The following ZCWPW2 variants were observed in gnomAD, a reference collection of about 807,000 sequenced individuals.
ZCWPW2 encodes zinc finger CW-type PWWP domain protein 2.
In ZCWPW2, 45 loss-of-function variants were observed where a neutral mutation model predicts 46.6. That is an observed-to-expected ratio of 0.96 (90% CI 0.76 to 1.24). The LOEUF is 1.24. Ranked by LOEUF, ZCWPW2 falls within the 50% of genes most tolerant of loss-of-function variation. ZCWPW2 has a pLI of 0.00. For missense variants in ZCWPW2, 429 were observed against 403.9 expected (o/e 1.06, Z -0.53); for synonymous variants, 152 against 137.1 (o/e 1.11, Z -0.76).
chr3:28,429,880 T>C (rs554518947), intron 3 of ZCWPW2, among the ~76,000 whole-genome samples: 1 of 152,236 alleles, frequency 6.6e-6, no homozygotes, highest in South Asian at 2.1e-4. Flanking sequence ...AAATAAAGAA[T>C]TGAAGTTTCA....
chr3:28,522,931 G>A (rs1025858004), intron 9 of ZCWPW2, among the ~76,000 whole-genome samples: 2 of 152,124 alleles, frequency 1.3e-5, no homozygotes, highest in Non-Finnish European at 2.9e-5. Context: ...GTTTTTCAGT[G>A]TTAGCGGTTT....
chr3:28,411,851 T>C (rs1696413207), intron 2 of ZCWPW2, among the ~76,000 whole-genome samples: 1 of 152,144 alleles, frequency 6.6e-6, no homozygotes, highest in African/African-American at 2.4e-5. Flanking sequence ...TTTTAGACTT[T>C]TTCACTCTTT....
intron 1 of ZCWPW2, among the ~76,000 whole-genome samples, chr3:28,361,050 C>A (rs1429117790): frequency 2.0e-5 from 3 of 152,068 alleles, no homozygotes; most frequent in African/African-American, 7.2e-5. Context: ...GCTTGGGTCC[C>A]ATCCTCAAGA....
chr3:28,385,817 T>A (rs542837674), intron 1 of ZCWPW2, among the ~76,000 whole-genome samples: 17 of 152,324 alleles, frequency 1.1e-4, no homozygotes, highest in African/African-American at 4.1e-4. Flanking sequence ...CTTAATATTC[T>A]AACAGATTTG....
chr3:28,414,187 T>C (rs1204520631), intron 3 of ZCWPW2, among the ~76,000 whole-genome samples: 1 of 151,934 alleles, frequency 6.6e-6, no homozygotes. Context: ...CTTGAACTGT[T>C]TTTCTCTTTT....
chr3:28,401,011 C>T (rs1695904438), intron 2 of ZCWPW2, among the ~76,000 whole-genome samples: 3 of 152,036 alleles, frequency 2.0e-5, no homozygotes, highest in Admixed American at 2.0e-4. Context: ...AACCCCATCT[C>T]TACTAAAAAT....
chr3:28,473,845 C>G (rs1307762430), intron 4 of ZCWPW2, among the ~76,000 whole-genome samples: 1 of 152,018 alleles, frequency 6.6e-6, no homozygotes, highest in Non-Finnish European at 1.5e-5. Flanking sequence ...TCATGGATAT[C>G]AAGAGTACAA....
At chr3:28,521,523 A>T (rs891761970) in intron 9 of ZCWPW2, among the ~76,000 whole-genome samples, 1 of 152,218 alleles carries the variant, frequency 6.6e-6, no homozygotes, top group Non-Finnish European at 1.5e-5. Context: ...GATAATCTCT[A>T]CAGGGACAAA....
intron 1 of ZCWPW2, among the ~76,000 whole-genome samples, chr3:28,360,155 T>C (rs1226894816): frequency 5.3e-5 from 8 of 151,846 alleles, no homozygotes; most frequent in Non-Finnish European, 1.5e-5. Context: ...GGTATAATTA[T>C]AGTAAGATGA....
chr3:28,420,858 T>C (rs1419688865), intron 3 of ZCWPW2, among the ~76,000 whole-genome samples: 1 of 152,164 alleles, frequency 6.6e-6, no homozygotes, highest in Non-Finnish European at 1.5e-5. Flanking sequence ...GTTGTTCAGA[T>C]TGGTTTATTC....
intron 6 of ZCWPW2, among the ~76,000 whole-genome samples, chr3:28,500,037 A>G (rs1267082791): frequency 1.3e-5 from 2 of 151,880 alleles, no homozygotes; most frequent in Admixed American, 6.6e-5. Flanking sequence ...CCTTTCTTCT[A>G]TTGTTATTGG....
chr3:28,361,201 T>C (rs1476566817), intron 1 of ZCWPW2, among the ~76,000 whole-genome samples: 2 of 152,126 alleles, frequency 1.3e-5, no homozygotes, highest in Non-Finnish European at 2.9e-5. Context: ...TGGAACAGAA[T>C]GGAGAGCCCA....
At chr3:28,458,924 A>G (rs1698523775) in intron 4 of ZCWPW2, among the ~76,000 whole-genome samples, 1 of 152,156 alleles carries the variant, frequency 6.6e-6, no homozygotes, top group South Asian at 2.1e-4. Context: ...CCCTTTTAAC[A>G]TAGCAGTAAC....
chr3:28,476,437 G>A (rs1353459290), intron 4 of ZCWPW2, among the ~76,000 whole-genome samples: 3 of 152,110 alleles, frequency 2.0e-5, no homozygotes, highest in Non-Finnish European at 4.4e-5. Flanking sequence ...AGACACAAGT[G>A]TTAAAACAAA....
intron 2 of ZCWPW2, among the ~76,000 whole-genome samples, chr3:28,403,496 A>G (rs1696032099): frequency 6.6e-6 from 1 of 152,174 alleles, no homozygotes; most frequent in African/African-American, 2.4e-5. Context: ...ATTCAATGCA[A>G]TTCCCATCAA....
At position 28,417,214 on chromosome 3, in the gene ZCWPW2, C is replaced by A. The variant is rs143153019; in HGVS notation, c.332+3814C>A. On this transcript the variant is annotated intron_variant, in intron 3 of 9. Transcript: ENST00000383768. The stretch of plus-strand genomic sequence containing the variant: ...ACTGATCCCACAGAAATACAAACTA[C>A]CATCAGAGAATACTATAAATACCTC... 5.3e-5 allele frequency among the ~76,000 whole-genome samples: 8 copies of A among 152,050 alleles called. No homozygotes were observed. In the East Asian group the frequency reaches 1.5e-3, roughly 29 times the overall value.
intron 7 of ZCWPW2, among the ~76,000 whole-genome samples, chr3:28,514,721 G>T (rs969303094): frequency 2.0e-5 from 3 of 152,186 alleles, no homozygotes; most frequent in Non-Finnish European, 4.4e-5. Flanking sequence ...GCAATCAGAA[G>T]AGAATGAGGT....
At chr3:28,410,931 G>A (rs1269733952) in intron 2 of ZCWPW2, among the ~76,000 whole-genome samples, 2 of 151,920 alleles carry the variant, frequency 1.3e-5, no homozygotes, top group African/African-American at 4.8e-5. Context: ...GACAAATGTA[G>A]TAGATATACT....
At chr3:28,352,885 G>C (rs535521060) in intron 1 of ZCWPW2, among the ~76,000 whole-genome samples, 1 of 152,164 alleles carries the variant, frequency 6.6e-6, no homozygotes, top group South Asian at 2.1e-4. Flanking sequence ...TCCAATAAAA[G>C]CTTTTTATAT....
Sources: gnomAD v4.1 joint callset for allele counts (sites outside exome capture counted in the v4.1 genomes callset) on GRCh38, gnomAD v4.1.1 for gene constraint, MANE v1.5 for transcripts, NCBI Gene and HGNC (gene_info 2026-07-23, HGNC 2026-07-21) for gene names.